Variants in PTPRD observed in about 807,000 individuals in gnomAD.
The protein encoded by PTPRD is protein tyrosine phosphatase receptor type D.
In PTPRD, 34 loss-of-function variants were observed where a neutral mutation model predicts 214.5. The observed-to-expected ratio is 0.16, with a 90% CI of 0.12 to 0.21. The LOEUF is 0.21. Ranked by LOEUF, PTPRD falls within the 10% of genes least tolerant of loss-of-function variation. The probability of loss-of-function intolerance (pLI) is 1.00; values close to 1 mark genes in which losing one functional copy is unlikely to be tolerated. For synonymous variants in PTPRD, 1,128 were observed against 845.7 expected, an observed-to-expected ratio of 1.33 and a Z score of -5.79; for missense variants, 2,545 against 2,398.7, an observed-to-expected ratio of 1.06 and a Z score of -1.27.
rs1336788791 is a variant in PTPRD, at chr9:9,472,675, C to T, written c.-236-75193G>A. Among the ~76,000 whole-genome samples the T allele has an allele frequency of 2.0e-5, 3 of 152,222 alleles. No individual in the cohort carries two copies. In the East Asian group the frequency reaches 5.8e-4, roughly 29 times the overall value. ...GCTGTGACCAGTTATCACTATAAAG[C>T]AGGTGTGTAAAACATCATTTTACAC... On this transcript the variant is annotated intron_variant, in intron 8 of 45. Coordinates refer to ENST00000381196, the MANE Select transcript of PTPRD (RefSeq NM_002839.4).
chr9:8,381,917 C>T (rs190340148), intron 37 of PTPRD, among the ~76,000 whole-genome samples: 187 of 152,176 alleles, frequency 1.2e-3, no homozygotes, highest in Admixed American at 2.0e-3. Flanking sequence ...TGTGAGGTGC[C>T]TCTTTCTCGT....
At chr9:8,539,558 G>A (rs915185218) in intron 14 of PTPRD, among the ~76,000 whole-genome samples, 1 of 151,778 alleles carries the variant, frequency 6.6e-6, no homozygotes, top group African/African-American at 2.4e-5. Flanking sequence ...ATTGGAGAAG[G>A]CTTACAGAAA....
intron 8 of PTPRD, among the ~76,000 whole-genome samples, chr9:9,554,904 C>A (rs1006911395): frequency 2.6e-5 from 4 of 152,136 alleles, no homozygotes; most frequent in Admixed American, 6.6e-5. Context: ...AGTCTATCTG[C>A]AAAATGTGGA....
At position 9,127,939 on chromosome 9, in the gene PTPRD, C is replaced by A. The variant is rs148813201; in HGVS notation, c.-143+55365G>T. 5.9e-5 allele frequency among the ~76,000 whole-genome samples: 9 copies of A among 152,228 alleles called. No individual in the cohort carries two copies. In the East Asian group the frequency reaches 9.6e-4, roughly 16 times the overall value. ...CTAGAATATCTGGTCTACAAGGTAC[C>A]CCAAGCTCTCTGTCCTCCTACTTCT... is the stretch of plus-strand genomic sequence containing the variant. On this transcript the variant is annotated intron_variant, in intron 10 of 45. Transcript: ENST00000381196.
At chr9:9,817,583 A>C (rs1476738339) in intron 5 of PTPRD, among the ~76,000 whole-genome samples, 6 of 152,186 alleles carry the variant, frequency 3.9e-5, no homozygotes. Context: ...AGGTCCATAA[A>C]AAACTGAATG....
intron 3 of PTPRD, among the ~76,000 whole-genome samples, chr9:10,145,529 C>G (rs1248771349): frequency 6.6e-6 from 1 of 152,070 alleles, no homozygotes; most frequent in East Asian, 1.9e-4. Context: ...TGGAAGAATA[C>G]AGAATATAAT....
chr9:10,584,160 AGCATGACTG>A (rs2073089933), intron 2 of PTPRD, among the ~76,000 whole-genome samples: 1 of 151,268 alleles, frequency 6.6e-6, no homozygotes, highest in South Asian at 2.1e-4. Flanking sequence ...CAAGTGCTCT[AGCATGACTG>A]GCATGACAAT....
At chr9:9,284,569 C>T (rs11791244) in intron 9 of PTPRD, among the ~76,000 whole-genome samples, 11 of 151,634 alleles carry the variant, frequency 7.3e-5, no homozygotes, top group Admixed American at 5.3e-4. Context: ...AATCATTTCT[C>T]CACCAGTCCC....
At chr9:10,176,743 C>A (rs528187447) in intron 3 of PTPRD, among the ~76,000 whole-genome samples, 1 of 151,922 alleles carries the variant, frequency 6.6e-6, no homozygotes, top group Non-Finnish European at 1.5e-5. Flanking sequence ...AAAAGACAAG[C>A]TCCAGTTGAG....
At chr9:9,765,730 G>A (rs987843068) in intron 6 of PTPRD, among the ~76,000 whole-genome samples, 3 of 152,018 alleles carry the variant, frequency 2.0e-5, no homozygotes, top group Non-Finnish European at 4.4e-5. Flanking sequence ...GCATGATCTC[G>A]GCTCACTGCA....
intron 9 of PTPRD, among the ~76,000 whole-genome samples, chr9:9,337,950 C>A (rs1595993369): frequency 6.6e-6 from 1 of 152,160 alleles, no homozygotes; most frequent in African/African-American, 2.4e-5. Flanking sequence ...TTACTTTCTT[C>A]ATACATTCTT....
chr9:10,093,656 A>G (rs443697), intron 3 of PTPRD, among the ~76,000 whole-genome samples: 62,184 of 151,328 alleles, frequency 0.41, 13,484 homozygotes, highest in East Asian at 0.54. Flanking sequence ...AGTTCATTAC[A>G]ACACCATTTA....
intron 35 of PTPRD, among the ~76,000 whole-genome samples, chr9:8,428,789 T>C (rs2094859377): frequency 1.3e-5 from 2 of 152,362 alleles, no homozygotes; most frequent in South Asian, 4.1e-4. Flanking sequence ...AAAGCAGATA[T>C]GACAGTAGTT....
chr9:8,387,649 T>A (rs2087650292), intron 37 of PTPRD, among the ~76,000 whole-genome samples: 1 of 152,158 alleles, frequency 6.6e-6, no homozygotes, highest in African/African-American at 2.4e-5. Flanking sequence ...AGCACGTGTG[T>A]TCTGGAGCCA....
chr9:8,526,709 G>C, intron 16 of PTPRD, 65 bp from the exon 17 acceptor site: 17 of 1,317,992 alleles, frequency 1.3e-5, no homozygotes, highest in Non-Finnish European at 1.7e-5. Flanking sequence ...GAAGAAGGAG[G>C]CTAGGGCTGG....
chr9:8,540,897 A>G (rs977040758), intron 14 of PTPRD, among the ~76,000 whole-genome samples: 1 of 152,210 alleles, frequency 6.6e-6, no homozygotes, highest in Non-Finnish European at 1.5e-5. Flanking sequence ...AACAGTTTTT[A>G]TAGTTTTAAA....
chr9:8,626,998 A>C (rs928876389), intron 14 of PTPRD, among the ~76,000 whole-genome samples: 2 of 151,596 alleles, frequency 1.3e-5, no homozygotes, highest in African/African-American at 4.8e-5. Context: ...TTTCCTCCCT[A>C]AGCCACTTTG....
In PTPRD at chr9:8,485,337, G is replaced by A. The variant is rs1188735107; in HGVS notation, c.3056-13C>T. 2.5e-6 allele frequency: 4 copies of A among 1,583,792 alleles called. No individual in the cohort carries two copies. Among genetic ancestry groups the A allele is most frequent in the Non-Finnish European group, 3.5e-6 (4 of 1,152,956 alleles). Reference sequence around the variant, plus strand: ...TTTTTTGCAAACACTGCTGGAAAAGGAAAAACAGTGTATTTAAACTATTCT... The same window carrying A: ...TTTTTTGCAAACACTGCTGGAAAAGAAAAAACAGTGTATTTAAACTATTCT... On this transcript the variant is annotated splice_polypyrimidine_tract_variant and intron_variant, in intron 28 of 45. Transcript: ENST00000381196.
At chr9:9,782,080 C>G (rs1476324467) in intron 5 of PTPRD, among the ~76,000 whole-genome samples, 2 of 152,058 alleles carry the variant, frequency 1.3e-5, no homozygotes, top group Non-Finnish European at 2.9e-5. Flanking sequence ...CGTGAGCCAC[C>G]GCACCCGGCC....
Sources: gnomAD v4.1 joint callset for allele counts (sites outside exome capture counted in the v4.1 genomes callset) on GRCh38, gnomAD v4.1.1 for gene constraint, MANE v1.5 for transcripts, NCBI Gene and HGNC (gene_info 2026-07-23, HGNC 2026-07-21) for gene names.